MAP4K3: variants seen among roughly 807,000 people sequenced by gnomAD.
The protein encoded by MAP4K3 is mitogen-activated protein kinase kinase kinase kinase 3.
A neutral mutation model predicts 143.5 loss-of-function variants in MAP4K3; 94 were observed. The ratio of observed to expected loss-of-function variants is 0.65; its 90% CI spans 0.55 to 0.78. The LOEUF is 0.78. Ranked by LOEUF, MAP4K3 falls within the 30% of genes least tolerant of loss-of-function variation. The pLI, the probability that MAP4K3 is intolerant of heterozygous loss-of-function variation, is 0.00. For missense variants in MAP4K3, 1,077 were observed against 1,068.1 expected, an observed-to-expected ratio of 1.01 and a Z score of -0.12; for synonymous variants, 416 against 347.2, an observed-to-expected ratio of 1.20 and a Z score of -2.20.
At chr2:39,266,604 A>C (rs1355182509) in intron 27 of MAP4K3, among the ~76,000 whole-genome samples, 1 of 152,130 alleles carries the variant, frequency 6.6e-6, no homozygotes, top group East Asian at 1.9e-4. Flanking sequence ...CCCAAATGCC[A>C]CCTTCTTCAG....
At chr2:39,362,665 C>CA (rs1400153188) in intron 2 of MAP4K3, among the ~76,000 whole-genome samples, 1 of 152,118 alleles carries the variant, frequency 6.6e-6, no homozygotes, top group Admixed American at 6.5e-5. Flanking sequence ...GAACAAACAG[C>CA]AACTTTTTTC....
At chr2:39,326,408 A>T in intron 8 of MAP4K3, 131 bp from the exon 9 acceptor site, 3 of 848,038 alleles carry the variant, frequency 3.5e-6, no homozygotes, top group Non-Finnish European at 5.5e-6. Context: ...AAAAATAAAT[A>T]TGCAGTACTT....
At position 39,258,477 on chromosome 2, in the gene MAP4K3, A is replaced by G. The variant is rs766891153; in HGVS notation, c.2378-37T>C. 5.6e-6 allele frequency: 9 copies of G among 1,597,458 alleles called. 1 individual carries two copies. The South Asian group carries it at 7.7e-5, about 14-fold the overall frequency. ...AAAGTCACTCAGAAACTAAGATAAA[A>G]GAAGTCTTATTAAAGTAAGACATTC... is the stretch of plus-strand genomic sequence containing the variant. On this transcript the variant is annotated intron_variant, in intron 30 of 33. Transcript: ENST00000263881.
chr2:39,343,224 C>T (rs1665190107), intron 4 of MAP4K3, among the ~76,000 whole-genome samples, 164 bp downstream of exon 4: 2 of 152,048 alleles, frequency 1.3e-5, no homozygotes, highest in Admixed American at 1.3e-4. Flanking sequence ...GCAAAGACTC[C>T]TCCTTTCTTC....
intron 18 of MAP4K3, 41 bp from the exon 19 acceptor site, chr2:39,290,375 C>T (rs1374394803): frequency 8.0e-7 from 1 of 1,256,920 alleles, no homozygotes. Flanking sequence ...ATTCATTTTA[C>T]AAATGAATCA....
chr2:39,369,199 T>TTGTTTG (rs1558670329), intron 2 of MAP4K3, among the ~76,000 whole-genome samples: 4 of 59,508 alleles, frequency 6.7e-5, no homozygotes, highest in African/African-American at 1.7e-4. Context: ...GCTAGTTTTT[T>TTGTTTG]TTTTTGTTTT....
chr2:39,313,844 G>A lies in MAP4K3; in HGVS notation c.997+1466C>T, dbSNP rs575809256. On this transcript the variant is annotated intron_variant, in intron 13 of 33. Coordinates refer to ENST00000263881, the MANE Select transcript of MAP4K3 (RefSeq NM_003618.4). Reference sequence around the variant, plus strand: ...ATCTAGTTTGAAATAGCATACACATGCATATGCACTTAGAAGTTGAGAATC... The same window carrying A: ...ATCTAGTTTGAAATAGCATACACATACATATGCACTTAGAAGTTGAGAATC... Among the ~76,000 whole-genome samples the A allele has an allele frequency of 2.0e-5, 3 of 152,178 alleles. No individual in the cohort carries two copies. The East Asian group carries it at 5.8e-4, about 29-fold the overall frequency.
chr2:39,325,856 T>C (rs912816658), intron 10 of MAP4K3, 43 bp downstream of exon 10: 2 of 1,558,140 alleles, frequency 1.3e-6, no homozygotes, highest in Non-Finnish European at 1.8e-6. Context: ...AATTCATTTT[T>C]TGCTCATCTC....
chr2:39,390,430 T>A lies in MAP4K3; in HGVS notation c.97-12307A>T, dbSNP rs548453897. Among the ~76,000 whole-genome samples the A allele has an allele frequency of 2.2e-4, 34 of 152,334 alleles. No individual in the cohort carries two copies. In the South Asian group the frequency reaches 2.7e-3, roughly 12 times the overall value. On this transcript the variant is annotated intron_variant, in intron 1 of 33. Coordinates refer to ENST00000263881, the MANE Select transcript of MAP4K3 (RefSeq NM_003618.4). ...CTTGGCTTCCACACCACGCAGACTC[T>A]GAATCAGCAGATCTGAGGTGAGCCC...
chr2:39,367,521 C>G (rs1665958101), intron 2 of MAP4K3, among the ~76,000 whole-genome samples: 1 of 151,436 alleles, frequency 6.6e-6, no homozygotes. Flanking sequence ...GCCTGGGTGA[C>G]AGTATGAGAC....
At chr2:39,262,863 G>C (rs1412666518) in intron 28 of MAP4K3, among the ~76,000 whole-genome samples, 1 of 152,102 alleles carries the variant, frequency 6.6e-6, no homozygotes, top group African/African-American at 2.4e-5. Flanking sequence ...CCAGCACTTT[G>C]GGAGTATGAC....
At chr2:39,269,249 T>C (rs2148451198) in intron 26 of MAP4K3, among the ~76,000 whole-genome samples, 1 of 152,108 alleles carries the variant, frequency 6.6e-6, no homozygotes, top group Admixed American at 6.5e-5. Context: ...AACTGAATGA[T>C]AAGCATAAAT....
rs1482287347 is a variant in MAP4K3, at chr2:39,406,397, C to T, written c.97-28274G>A. ...GTACAAGAAGGTTATAAAACACCAG[C>T]AGATTTAACCCAAAGAAGACTACCT... On this transcript the variant is annotated intron_variant, in intron 1 of 33. Coordinates refer to ENST00000263881, the MANE Select transcript of MAP4K3 (RefSeq NM_003618.4). Among the ~76,000 whole-genome samples, 3 of 152,206 alleles carry T rather than the reference C, an allele frequency of 2.0e-5. No individual in the cohort carries two copies. In the East Asian group the frequency reaches 5.8e-4, roughly 29 times the overall value.
rs1573092176 is a variant in MAP4K3, at chr2:39,282,446, C to G, written c.1629+67G>C. 7.7e-6 allele frequency: 10 copies of G among 1,295,326 alleles called. No individual in the cohort carries two copies. In the East Asian group the frequency reaches 2.4e-4, roughly 31 times the overall value. The allele number at this position is 1,295,326 out of a possible 1,614,324, so 80.2% of individuals were successfully genotyped here. Reference sequence around the variant, plus strand: ...AGTTCTTTCAAACAGACAAAAAAACCTAAGCAAAGATAACACACACAAGTG... The same window carrying G: ...AGTTCTTTCAAACAGACAAAAAAACGTAAGCAAAGATAACACACACAAGTG... On this transcript the variant is annotated intron_variant, in intron 22 of 33. Transcript: ENST00000263881.
intron 18 of MAP4K3, among the ~76,000 whole-genome samples, chr2:39,291,048 G>A (rs1217334892): frequency 2.6e-5 from 4 of 152,110 alleles, no homozygotes; most frequent in Admixed American, 1.3e-4. Flanking sequence ...CTGGGTGACA[G>A]GGCAAGACTC....
intron 1 of MAP4K3, among the ~76,000 whole-genome samples, chr2:39,427,615 T>C (rs1337894579): frequency 6.6e-6 from 1 of 152,160 alleles, no homozygotes; most frequent in African/African-American, 2.4e-5. Context: ...ATCAGTTAAC[T>C]TCAGACTAAT....
chr2:39,373,280 T>C (rs749995648), intron 2 of MAP4K3, among the ~76,000 whole-genome samples: 8 of 152,242 alleles, frequency 5.3e-5, no homozygotes, highest in East Asian at 1.9e-4. Context: ...ATCAAAAAGA[T>C]AGGCAATAAA....
chr2:39,305,027 C>G (rs1402173777), intron 15 of MAP4K3, among the ~76,000 whole-genome samples: 1 of 152,082 alleles, frequency 6.6e-6, no homozygotes, highest in East Asian at 1.9e-4. Context: ...AGTCAGAAAA[C>G]AGAGTGTTCG....
chr2:39,290,402 A>T (rs990979058), intron 18 of MAP4K3, 68 bp from the exon 19 acceptor site: 28 of 1,016,070 alleles, frequency 2.8e-5, no homozygotes, highest in Non-Finnish European at 3.9e-5. Flanking sequence ...AAATATAATA[A>T]TTTTTTCAAA....
Sources: allele counts gnomAD v4.1 joint callset (sites outside exome capture counted in the v4.1 genomes callset), GRCh38; gene constraint gnomAD v4.1.1; transcripts MANE v1.5; gene names NCBI Gene and HGNC (gene_info 2026-07-23, HGNC 2026-07-21).